Variants in PDE7B observed in about 807,000 individuals in gnomAD.
PDE7B encodes the protein phosphodiesterase 7B, also known as 3',5'-cyclic-AMP phosphodiesterase 7B.
Under a neutral mutation model 56.2 loss-of-function variants are expected in PDE7B, and 29 were observed. That is an observed-to-expected ratio of 0.52 (90% confidence interval 0.38 to 0.70). The LOEUF is 0.70. Ranked by LOEUF, PDE7B falls within the 30% of genes least tolerant of loss-of-function variation. PDE7B has a pLI of 0.00. For missense variants in PDE7B, 490 were observed against 565.0 expected (o/e 0.87, Z 1.35); for synonymous variants, 197 against 196.9 (o/e 1.00, Z 0.00).
intron 2 of PDE7B, among the ~76,000 whole-genome samples, chr6:135,966,563 G>T (rs143844384): frequency 6.6e-6 from 1 of 152,012 alleles, no homozygotes; most frequent in African/African-American, 2.4e-5. Context: ...AATGAGTAGC[G>T]CTCCCTAGGG....
At chr6:135,965,690 T>A (rs958077678) in intron 2 of PDE7B, among the ~76,000 whole-genome samples, 1 of 152,136 alleles carries the variant, frequency 6.6e-6, no homozygotes, top group African/African-American at 2.4e-5. Flanking sequence ...CCGAACCTCA[T>A]GATTCGGTTA....
chr6:136,143,304 TA>T (rs1778359302), intron 3 of PDE7B, among the ~76,000 whole-genome samples: 1 of 151,946 alleles, frequency 6.6e-6, no homozygotes, highest in African/African-American at 2.4e-5. Context: ...GAGGATCACT[TA>T]AGCCCAGGAT....
intron 1 of PDE7B, among the ~76,000 whole-genome samples, chr6:135,858,517 C>G (rs763871818): frequency 2.6e-5 from 4 of 152,098 alleles, no homozygotes; most frequent in African/African-American, 4.8e-5. Context: ...TAAATTTCTC[C>G]CATGTACCTT....
At chr6:135,909,619 A>T (rs1350733512) in intron 1 of PDE7B, among the ~76,000 whole-genome samples, 5 of 73,908 alleles carry the variant, frequency 6.8e-5, no homozygotes, top group Non-Finnish European at 1.9e-4. Context: ...AAATAAATAA[A>T]TAATAAATAA....
intron 3 of PDE7B, among the ~76,000 whole-genome samples, chr6:136,115,851 T>C (rs750747607): frequency 1.3e-5 from 2 of 152,210 alleles, no homozygotes; most frequent in Non-Finnish European, 2.9e-5. Context: ...GCAGTGGGAC[T>C]GGGGTCTACC....
At chr6:136,008,332 C>A (rs1775825310) in intron 2 of PDE7B, among the ~76,000 whole-genome samples, 1 of 152,152 alleles carries the variant, frequency 6.6e-6, no homozygotes, top group South Asian at 2.1e-4. Flanking sequence ...GTCTTATAAT[C>A]CTTTGGGTAT....
rs1298337456 is a variant in PDE7B, at chr6:136,004,381, G to T, written c.82+56857G>T. 9.2e-5 allele frequency among the ~76,000 whole-genome samples: 14 copies of T among 151,698 alleles called. No individual in the cohort carries two copies. The East Asian group carries it at 2.7e-3, about 29-fold the overall frequency. ...AATTAGGCAGGAGAAGGAAATAAAG[G>T]GTATTCAATTAGGAAAAGAGGAAGT... On this transcript the variant is annotated intron_variant, in intron 2 of 12. Transcript: ENST00000308191.
At chr6:136,065,278 G>A (rs1482483914) in intron 2 of PDE7B, among the ~76,000 whole-genome samples, 1 of 152,076 alleles carries the variant, frequency 6.6e-6, no homozygotes, top group Non-Finnish European at 1.5e-5. Flanking sequence ...TTAGACGTTT[G>A]CTTCACAAAA....
intron 1 of PDE7B, among the ~76,000 whole-genome samples, chr6:135,867,409 C>T (rs1218646885): frequency 7.9e-5 from 12 of 152,058 alleles, no homozygotes; most frequent in Admixed American, 1.3e-4. Context: ...GTTAATACAT[C>T]GTAAGGTTTA....
intron 1 of PDE7B, among the ~76,000 whole-genome samples, chr6:135,858,094 T>C (rs1583707912): frequency 6.6e-6 from 1 of 152,166 alleles, no homozygotes; most frequent in East Asian, 1.9e-4. Context: ...AATTTGAAGG[T>C]AAAAGAAGAA....
intron 2 of PDE7B, among the ~76,000 whole-genome samples, chr6:135,997,702 T>A (rs1164107186): frequency 6.6e-6 from 1 of 152,032 alleles, no homozygotes; most frequent in Non-Finnish European, 1.5e-5. Context: ...ACACTATATT[T>A]GCAAAAAGTT....
At chr6:136,137,643 T>G (rs1425169384) in intron 3 of PDE7B, among the ~76,000 whole-genome samples, 1 of 152,144 alleles carries the variant, frequency 6.6e-6, no homozygotes, top group Admixed American at 6.6e-5. Flanking sequence ...TTTACAGCTT[T>G]CTTAAATCTC....
At chr6:136,090,021 T>C (rs2128215981) in intron 2 of PDE7B, among the ~76,000 whole-genome samples, 1 of 152,308 alleles carries the variant, frequency 6.6e-6, no homozygotes. Context: ...AGCGATTGTG[T>C]AGGCCCTCTG....
In PDE7B at chr6:136,098,083, G is replaced by A. The variant is rs116123566; in HGVS notation, c.83-10648G>A. 552 of 130,072 alleles carry A rather than the reference G, an allele frequency of 4.2e-3. 5 individuals carry two copies. The highest frequency in any genetic ancestry group is 0.014 in the African/African-American group (526 of 36,498). 8.1% of individuals were successfully genotyped at this position (130,072 alleles called of 1,614,324 possible). A position where few individuals can be genotyped will look rare whatever the true frequency, so the allele number is the denominator to read the frequency against. Reference sequence around the variant, plus strand: ...CTCACAGCAACCTCCCTGGCAAAGTGAAGAAGAACATTGTTACTTTTATAA... The same window carrying A: ...CTCACAGCAACCTCCCTGGCAAAGTAAAGAAGAACATTGTTACTTTTATAA... On this transcript the variant is annotated intron_variant, in intron 2 of 12. Transcript: ENST00000308191.
chr6:136,080,031 T>C (rs968752661), intron 2 of PDE7B, among the ~76,000 whole-genome samples: 2 of 151,990 alleles, frequency 1.3e-5, no homozygotes, highest in Admixed American at 6.6e-5. Flanking sequence ...CACCTGCAGT[T>C]CCTCTAGATC....
At chr6:136,030,118 C>T (rs531115409) in intron 2 of PDE7B, among the ~76,000 whole-genome samples, 2,297 of 152,218 alleles carry the variant, frequency 0.015, 51 homozygotes, top group African/African-American at 0.051. Flanking sequence ...GTGTTCATAA[C>T]CATAGCAAAG....
At chr6:136,133,945 T>A (rs564405415) in intron 3 of PDE7B, among the ~76,000 whole-genome samples, 155 of 152,286 alleles carry the variant, frequency 1.0e-3, no homozygotes, top group South Asian at 2.9e-3. Context: ...GATCTGTTTA[T>A]CTGCAGGGTA....
intron 2 of PDE7B, among the ~76,000 whole-genome samples, chr6:135,972,391 A>C (rs191169873): frequency 2.0e-5 from 3 of 152,212 alleles, no homozygotes; most frequent in Admixed American, 2.0e-4. Flanking sequence ...GAAGCTAAAA[A>C]ATCCAAGTTC....
At chr6:135,904,058 T>C (rs983942479) in intron 1 of PDE7B, among the ~76,000 whole-genome samples, 8 of 152,352 alleles carry the variant, frequency 5.3e-5, no homozygotes, top group Non-Finnish European at 7.3e-5. Flanking sequence ...TAAATTGTTC[T>C]CCTTTCAGAG....
Sources: gnomAD v4.1 joint callset for allele counts (sites outside exome capture counted in the v4.1 genomes callset) on GRCh38, gnomAD v4.1.1 for gene constraint, MANE v1.5 for transcripts, NCBI Gene and HGNC (gene_info 2026-07-23, HGNC 2026-07-21) for gene names.